RMND5B: variants seen among roughly 807,000 people sequenced by gnomAD.
RMND5B encodes required for meiotic nuclear division 5 homolog B, also known as E3 ubiquitin-protein transferase RMND5B.
Under a neutral mutation model 50.4 loss-of-function variants are expected in RMND5B, and 42 were observed. That is an observed-to-expected ratio of 0.83 (90% confidence interval 0.65 to 1.08). The LOEUF (loss-of-function observed/expected upper bound fraction) is 1.08, where lower values mean the gene tolerates loss of function less well. RMND5B is among the 50% of genes least tolerant of loss of function. The probability of loss-of-function intolerance (pLI) is 0.00; values close to 1 mark genes in which losing one functional copy is unlikely to be tolerated. For missense variants in RMND5B, 463 were observed against 508.5 expected (o/e 0.91, Z 0.86); for synonymous variants, 220 against 210.0 (o/e 1.05, Z -0.41).
intron 2 of RMND5B, among the ~76,000 whole-genome samples, chr5:178,132,737 C>CTT (rs1224482166): frequency 2.9e-4 from 3 of 10,280 alleles, no homozygotes; most frequent in African/African-American, 4.8e-4. Flanking sequence ...CTGTCTCTCT[C>CTT]TTTTTTTTTT....
At chr5:178,142,757 G>A in intron 4 of RMND5B, 29 bp downstream of exon 4, 1 of 1,614,242 alleles carries the variant, frequency 6.2e-7, no homozygotes, top group Non-Finnish European at 8.5e-7. Context: ...CCAGGCGTGG[G>A]GTGGGAGCAC....
chr5:178,147,830 C>A lies in RMND5B; in HGVS notation c.1065C>A (p.Ile355=), dbSNP rs1756113220. ...TSDSNPPIKL[I]CGHVISRDAL... ...ATTCCAACCCTCCCATCAAGCTCATCTGTGGCCATGTTATCTCCCGAGATG... is the reference window on the plus strand; with the variant it reads ...ATTCCAACCCTCCCATCAAGCTCATATGTGGCCATGTTATCTCCCGAGATG... The change falls in exon 10 of 11, where the codon ATC becomes ATA. Residue 355 remains isoleucine (I), a synonymous_variant. Coordinates refer to ENST00000313386, the MANE Select transcript of RMND5B (RefSeq NM_022762.5). 2.5e-6 allele frequency: 4 copies of A among 1,614,076 alleles called. No individual in the cohort carries two copies. The highest frequency in any genetic ancestry group is 3.4e-6 in the Non-Finnish European group (4 of 1,180,048).
Position 178,138,697 on chromosome 5 carries a change from C to G in RMND5B, c.139+439C>G, listed in dbSNP as rs962074400. ...GCTTTTAAGATTTTAAAGATAATTT[C>G]AAATTTACAGACCAATTCCAAGAAT... is the stretch of plus-strand genomic sequence containing the variant. On this transcript the variant is annotated intron_variant, in intron 3 of 10. Transcript: ENST00000313386. This position sits in a 1 kb window ranked among gnomAD's most constrained non-coding sequence, Gnocchi z 5.1. 6.6e-6 allele frequency among the ~76,000 whole-genome samples: 1 copy of G among 152,042 alleles called. No homozygotes were observed. Among genetic ancestry groups the G allele is most frequent in the Non-Finnish European group, 1.5e-5 (1 of 68,028 alleles).
Position 178,138,262 on chromosome 5 carries a change from G to A in RMND5B, c.139+4G>A. 1.2e-6 allele frequency: 2 copies of A among 1,612,372 alleles called. No individual in the cohort carries two copies. Among genetic ancestry groups the A allele is most frequent in the African/African-American group, 2.7e-5 (2 of 74,998 alleles). ...CGGGCTGAGCTGGCCAGCGCAGGTG[G>A]GTGGCCACCCTTGCAAGTGCCCTGC... On this transcript the variant is annotated splice_donor_region_variant and intron_variant, in intron 3 of 10. Transcript: ENST00000313386. The surrounding 1 kb of genome is among the most constrained non-coding windows in gnomAD (Gnocchi z 5.1).
At chr5:178,142,504 T>C in intron 3 of RMND5B, 79 bp from the exon 4 acceptor site, 4 of 1,494,964 alleles carry the variant, frequency 2.7e-6, no homozygotes, top group African/African-American at 1.4e-5. Flanking sequence ...GGCTGGCATT[T>C]AGAATAGAGC....
intron 3 of RMND5B, among the ~76,000 whole-genome samples, chr5:178,139,190 T>A (rs1199740103): frequency 6.6e-6 from 1 of 150,874 alleles, no homozygotes; most frequent in Non-Finnish European, 1.5e-5. Flanking sequence ...TAATATTACC[T>A]AATAACTATA....
Position 178,142,653 on chromosome 5 carries a change from T to G in RMND5B, c.210T>G (p.Asp70Glu), listed in dbSNP as rs776698107. The change falls in exon 4 of 11, where the codon GAT (aspartate) becomes GAG (glutamate). Residue 70 changes from aspartate to glutamate, a missense_variant. Transcript: ENST00000313386. ...VMSQCCRKIK[D>E]TVQKLASDHK... ...CACAGTGCTGCCGGAAGATCAAAGA[T>G]ACGGTGCAGAAACTGGCTTCGGACC... is the stretch of plus-strand genomic sequence containing the variant. 1 of 1,614,184 alleles carries G rather than the reference T, an allele frequency of 6.2e-7. No individual in the cohort carries two copies. Among genetic ancestry groups the G allele is most frequent in the Non-Finnish European group, 8.5e-7 (1 of 1,180,026 alleles).
chr5:178,131,400 T>A (rs1055898365), intron 2 of RMND5B, 24 bp downstream of exon 2: 1 of 152,164 alleles, frequency 6.6e-6, no homozygotes, highest in African/African-American at 2.4e-5. Context: ...TCGGCAGGGC[T>A]ATGGAGCAGG....
rs1323003000 is a variant in RMND5B, at chr5:178,146,182, C to T, written c.763C>T (p.Leu255=). 6.2e-7 allele frequency: 1 copy of T among 1,614,180 alleles called. No homozygotes were observed. Among genetic ancestry groups the T allele is most frequent in the Non-Finnish European group, 8.5e-7 (1 of 1,180,012 alleles). ...CTTGGAGAAGTCACCCTACTGCCAC[C>T]TGCTGGACAGCAGCCACTGGGCAGA... ...LGLEKSPYCH[L]LDSSHWAEIC... The change falls in exon 8 of 11, where the codon CTG becomes TTG. Residue 255 remains leucine (L), a synonymous_variant. Transcript: ENST00000313386.
intron 2 of RMND5B, among the ~76,000 whole-genome samples, chr5:178,132,058 A>G (rs1191753953): frequency 6.6e-6 from 1 of 152,164 alleles, no homozygotes; most frequent in Non-Finnish European, 1.5e-5. Flanking sequence ...CACGCCCGTA[A>G]TTCCAGCACT....
chr5:178,134,968 A>C, intron 2 of RMND5B, among the ~76,000 whole-genome samples: 1 of 104,682 alleles, frequency 9.6e-6, no homozygotes, highest in Non-Finnish European at 2.0e-5. Flanking sequence ...ACAGAGCGAG[A>C]CCGTCTACAA....
chr5:178,138,641 T>C lies in RMND5B; in HGVS notation c.139+383T>C, dbSNP rs1204202509. Reference sequence around the variant, plus strand: ...AGCCTCCCAAAGTGCTGGAATTATATGCGTGAGCCACCATGCCTGGCCTAT... The same window carrying C: ...AGCCTCCCAAAGTGCTGGAATTATACGCGTGAGCCACCATGCCTGGCCTAT... On this transcript the variant is annotated intron_variant, in intron 3 of 10. Transcript: ENST00000313386. This position sits in a 1 kb window ranked among gnomAD's most constrained non-coding sequence, Gnocchi z 5.1. 6.6e-6 allele frequency among the ~76,000 whole-genome samples: 1 copy of C among 151,830 alleles called. No individual in the cohort carries two copies. Among genetic ancestry groups the C allele is most frequent in the East Asian group, 1.9e-4 (1 of 5,176 alleles).
At chr5:178,146,350 G>A in intron 8 of RMND5B, 71 bp downstream of exon 8, 1 of 1,461,534 alleles carries the variant, frequency 6.8e-7, no homozygotes, top group Non-Finnish European at 9.4e-7. Context: ...CCAAGGCCCT[G>A]CCATGTGCCA....
intron 2 of RMND5B, among the ~76,000 whole-genome samples, chr5:178,136,972 AGG>A (rs1758650720): frequency 6.6e-6 from 1 of 152,192 alleles, no homozygotes; most frequent in Non-Finnish European, 1.5e-5. Flanking sequence ...TGGGGGAGGC[AGG>A]CCCAGTGACC....
chr5:178,139,530 G>A (rs1758800471), intron 3 of RMND5B, among the ~76,000 whole-genome samples: 1 of 134,294 alleles, frequency 7.4e-6, no homozygotes, highest in African/African-American at 2.9e-5. Context: ...TTTCAATTTT[G>A]CCATTGTCCC....
chr5:178,147,607 G>A lies in RMND5B; in HGVS notation c.935G>A (p.Gly312Glu), dbSNP rs778721012. Reference sequence around the variant, plus strand: ...GTGATTGAGCAGCGGCAGTGCACTGGGGTCTGGAATCACAAGGACGAGTTA... The same window carrying A: ...GTGATTGAGCAGCGGCAGTGCACTGAGGTCTGGAATCACAAGGACGAGTTA... ...KAVIEQRQCT[G>E]VWNHKDELPI... The change falls in exon 9 of 11, where the codon GGG becomes GAG. Residue 312 changes from glycine (G) to glutamate (E), a missense_variant. Transcript: ENST00000313386. 1.2e-6 allele frequency: 2 copies of A among 1,614,034 alleles called. No individual in the cohort carries two copies. Among genetic ancestry groups the A allele is most frequent in the Non-Finnish European group, 1.7e-6 (2 of 1,180,036 alleles).
intron 2 of RMND5B, chr5:178,135,449 A>G (rs750137486): frequency 1.3e-5 from 2 of 153,208 alleles, no homozygotes; most frequent in Non-Finnish European, 2.9e-5. Context: ...TAATTTACAT[A>G]AATGGATTCT....
Position 178,144,037 on chromosome 5 carries a change from G to T in RMND5B, c.623G>T (p.Gly208Val). Residue 208 changes from glycine to valine, a missense_variant, in exon 7 of 11, where the codon GGC (glycine) becomes GTC (valine). Gly to Val is a moderately radical substitution (Grantham distance 109). Transcript: ENST00000313386. ...RLHFIRLLAGGPAKQLEALSY... is the reference protein window; with the variant it reads ...RLHFIRLLAGVPAKQLEALSY... ...CACTTCATCCGCCTCTTGGCAGGAG[G>T]CCCCGCGAAGCAGCTGGAGGCCCTC... The T allele has an allele frequency of 6.2e-7, 1 of 1,614,250 alleles. No individual in the cohort carries two copies. The highest frequency in any genetic ancestry group is 8.5e-7 in the Non-Finnish European group (1 of 1,180,050).
chr5:178,143,906 A>G lies in RMND5B; in HGVS notation c.528-36A>G, dbSNP rs777540245. Reference sequence around the variant, plus strand: ...TGCTGGCTCTCAGGTCCTAGCCCCCACCAGCTCTACACTAAACTGGCCCCT... The same window carrying G: ...TGCTGGCTCTCAGGTCCTAGCCCCCGCCAGCTCTACACTAAACTGGCCCCT... On this transcript the variant is annotated intron_variant, in intron 6 of 10. Coordinates refer to ENST00000313386, the MANE Select transcript of RMND5B (RefSeq NM_022762.5). 3.9e-6 allele frequency: 6 copies of G among 1,531,428 alleles called. No individual in the cohort carries two copies. In the African/African-American group the frequency reaches 6.2e-5, roughly 16 times the overall value. 94.9% of individuals were successfully genotyped at this position (1,531,428 alleles called of 1,614,324 possible).
Sources: gnomAD v4.1 joint callset for allele counts (sites outside exome capture counted in the v4.1 genomes callset) on GRCh38, gnomAD v4.1.1 for gene constraint, Gnocchi (gnomAD v3.1) non-coding constraint, MANE v1.5 for transcripts, NCBI Gene and HGNC (gene_info 2026-07-23, HGNC 2026-07-21) for gene names.